The following KCNIP4 variants were observed in gnomAD, a reference collection of about 807,000 sequenced individuals.
The protein encoded by KCNIP4 is potassium voltage-gated channel interacting protein 4.
KCNIP4 carries 12 observed loss-of-function variants against 34.0 expected under a neutral mutation model. The ratio of observed to expected loss-of-function variants is 0.35; its 90% confidence interval spans 0.23 to 0.57. KCNIP4 has a LOEUF of 0.57. Ranked by LOEUF, KCNIP4 falls within the 20% of genes least tolerant of loss-of-function variation. KCNIP4 has a pLI of 0.83. For synonymous variants in KCNIP4, 124 were observed against 102.2 expected (o/e 1.21, Z -1.29); for missense variants, 238 against 311.7 (o/e 0.76, Z 1.78).
At chr4:21,347,341 G>A (rs1310137531) in intron 1 of KCNIP4, among the ~76,000 whole-genome samples, 1 of 152,208 alleles carries the variant, frequency 6.6e-6, no homozygotes, top group Non-Finnish European at 1.5e-5. Flanking sequence ...GCTGTCCACA[G>A]GGAGCTAGAC....
At chr4:21,903,569 G>A (rs1008245429) in intron 1 of KCNIP4, among the ~76,000 whole-genome samples, 9 of 152,058 alleles carry the variant, frequency 5.9e-5, no homozygotes, top group South Asian at 2.1e-4. Flanking sequence ...AAATAGTGGC[G>A]TGAAAAGAGA....
At chr4:21,071,659 ATACTTT>A (rs1744937513) in intron 1 of KCNIP4, among the ~76,000 whole-genome samples, 1 of 152,116 alleles carries the variant, frequency 6.6e-6, no homozygotes, top group African/African-American at 2.4e-5. Context: ...TTTTTAAATT[ATACTTT>A]AAGTTTTGGG....
chr4:21,908,314 T>G (rs1417372665), intron 1 of KCNIP4, among the ~76,000 whole-genome samples: 1 of 151,602 alleles, frequency 6.6e-6, no homozygotes, highest in Non-Finnish European at 1.5e-5. Flanking sequence ...GAGGCAACAT[T>G]CTTGCCACTG....
At chr4:21,408,351 A>G (rs1724184026) in intron 1 of KCNIP4, among the ~76,000 whole-genome samples, 1 of 152,198 alleles carries the variant, frequency 6.6e-6, no homozygotes, top group African/African-American at 2.4e-5. Context: ...AGAATGTTCA[A>G]AGAGACAAAT....
intron 1 of KCNIP4, among the ~76,000 whole-genome samples, chr4:21,813,142 A>G: frequency 6.6e-6 from 1 of 152,164 alleles, no homozygotes; most frequent in East Asian, 1.9e-4. Flanking sequence ...ACCTGGAAAG[A>G]AAAATAAGTC....
At chr4:21,180,876 A>G (rs1303219768) in intron 1 of KCNIP4, among the ~76,000 whole-genome samples, 1 of 152,100 alleles carries the variant, frequency 6.6e-6, no homozygotes, top group African/African-American at 2.4e-5. Flanking sequence ...GTGATTATAT[A>G]GTAACATTCT....
chr4:21,004,972 C>T (rs893750365), intron 1 of KCNIP4, among the ~76,000 whole-genome samples: 1 of 151,884 alleles, frequency 6.6e-6, no homozygotes, highest in African/African-American at 2.4e-5. Flanking sequence ...AGAGAGGAGA[C>T]AAGTGATAGA....
intron 1 of KCNIP4, among the ~76,000 whole-genome samples, chr4:21,412,668 T>TAAA (rs1724609196): frequency 1.3e-5 from 2 of 152,244 alleles, no homozygotes; most frequent in Non-Finnish European, 2.9e-5. Flanking sequence ...CTATGATATG[T>TAAA]AGATGCCTTT....
chr4:21,647,038 G>A (rs1747072568), intron 1 of KCNIP4, among the ~76,000 whole-genome samples: 1 of 152,032 alleles, frequency 6.6e-6, no homozygotes, highest in African/African-American at 2.4e-5. Context: ...AAAGTGAATA[G>A]AATGGTGATT....
At chr4:20,852,029 AC>A (rs1204493367) in intron 2 of KCNIP4, among the ~76,000 whole-genome samples, 2 of 152,284 alleles carry the variant, frequency 1.3e-5, no homozygotes, top group Non-Finnish European at 2.9e-5. Flanking sequence ...AAACAATCAA[AC>A]AAACAAAAAA....
intron 1 of KCNIP4, among the ~76,000 whole-genome samples, chr4:20,907,687 G>T (rs934816185): frequency 1.3e-5 from 2 of 152,048 alleles, no homozygotes; most frequent in African/African-American, 2.4e-5. Context: ...TTGGTTTTTT[G>T]ATTTTTGTGC....
rs1301688741 is a variant in KCNIP4 at position 20,749,646 on chromosome 4, A to G, written c.429+16T>C. The G allele has an allele frequency of 6.4e-7, 1 of 1,559,764 alleles. No homozygotes were observed. Among genetic ancestry groups the G allele is most frequent in the South Asian group, 1.1e-5 (1 of 87,532 alleles). ...CTCTAAATAGTCAAATGATATGAAA[A>G]TAATCCAGAGCTTACCTCGAAACTC... On this transcript the variant is annotated intron_variant, in intron 5 of 8. Coordinates refer to ENST00000382152, the MANE Select transcript of KCNIP4 (RefSeq NM_025221.6).
Position 20,903,287 on chromosome 4 carries a change from C to T in KCNIP4, c.62-20578G>A, listed in dbSNP as rs143322244. Reference sequence around the variant, plus strand: ...TACTGAACAGCAACCCTATGTCTTTCTGTAGAAATGTTTATTTTGCACCAT... The same window carrying T: ...TACTGAACAGCAACCCTATGTCTTTTTGTAGAAATGTTTATTTTGCACCAT... On this transcript the variant is annotated intron_variant, in intron 1 of 8. Coordinates refer to ENST00000382152, the MANE Select transcript of KCNIP4 (RefSeq NM_025221.6). Among the ~76,000 whole-genome samples, 435 of 152,246 alleles carry T rather than the reference C, an allele frequency of 2.9e-3. 5 individuals are homozygous for T. The highest frequency in any genetic ancestry group is 0.01 in the African/African-American group (423 of 41,554).
At chr4:21,021,883 T>TAGTATAGTAC (rs1385359235) in intron 1 of KCNIP4, among the ~76,000 whole-genome samples, 4 of 151,766 alleles carry the variant, frequency 2.6e-5, no homozygotes, top group Non-Finnish European at 4.4e-5. Flanking sequence ...TAGTATAGTA[T>TAGTATAGTAC]AGTATAGTAT....
chr4:21,907,716 G>C (rs991121590), intron 1 of KCNIP4, among the ~76,000 whole-genome samples: 1 of 152,078 alleles, frequency 6.6e-6, no homozygotes, highest in African/African-American at 2.4e-5. Flanking sequence ...CTTGACATAA[G>C]CAGATTTTTA....
At chr4:20,816,251 C>T (rs1716365946) in intron 3 of KCNIP4, among the ~76,000 whole-genome samples, 1 of 141,136 alleles carries the variant, frequency 7.1e-6, no homozygotes, top group Admixed American at 7.1e-5. Flanking sequence ...AAGACTCCAT[C>T]TCAAAAAAAA....
At chr4:20,820,442 T>C (rs11723496) in intron 3 of KCNIP4, among the ~76,000 whole-genome samples, 31 of 152,108 alleles carry the variant, frequency 2.0e-4, no homozygotes, top group Non-Finnish European at 3.4e-4. Context: ...TATAGAAAAC[T>C]GTGTGTGAGA....
intron 1 of KCNIP4, among the ~76,000 whole-genome samples, chr4:21,366,486 T>G (rs1486730031): frequency 6.6e-6 from 1 of 152,124 alleles, no homozygotes; most frequent in Non-Finnish European, 1.5e-5. Flanking sequence ...CTCTGGCACT[T>G]AAAAGAACAA....
intron 1 of KCNIP4, among the ~76,000 whole-genome samples, chr4:21,381,796 G>A (rs1037318898): frequency 6.6e-6 from 1 of 152,146 alleles, no homozygotes; most frequent in African/African-American, 2.4e-5. Flanking sequence ...TTTATTTTCT[G>A]TCAACAGCTA....
Sources: allele counts gnomAD v4.1 joint callset (sites outside exome capture counted in the v4.1 genomes callset), GRCh38; gene constraint gnomAD v4.1.1; transcripts MANE v1.5; gene names NCBI Gene and HGNC (gene_info 2026-07-23, HGNC 2026-07-21).